The following TRPM7 variants were observed in gnomAD, a reference collection of about 807,000 sequenced individuals.
TRPM7 encodes the protein LTRPC ion channel family member 7.
In TRPM7, 134 loss-of-function variants were observed where a neutral mutation model predicts 229.7. That is an observed-to-expected ratio of 0.58 (90% confidence interval 0.51 to 0.67). TRPM7 has a LOEUF of 0.67. Ranked by LOEUF, TRPM7 falls within the 30% of genes least tolerant of loss-of-function variation. The pLI is 0.00. For missense variants in TRPM7, 1,901 were observed against 2,210.0 expected, an observed-to-expected ratio of 0.86 and a Z score of 2.80; for synonymous variants, 699 against 715.2, an observed-to-expected ratio of 0.98 and a Z score of 0.36.
At chr15:50,578,369 T>C (rs540200140) in intron 31 of TRPM7, among the ~76,000 whole-genome samples, 1 of 152,128 alleles carries the variant, frequency 6.6e-6, no homozygotes, top group South Asian at 2.1e-4. Flanking sequence ...TTAAAACAGA[T>C]GGAATATTAG....
chr15:50,669,858 C>T (rs888691971), intron 1 of TRPM7, among the ~76,000 whole-genome samples: 2 of 152,126 alleles, frequency 1.3e-5, no homozygotes, highest in African/African-American at 4.8e-5. Flanking sequence ...AATCAGCGAT[C>T]CCTTATCAGC....
intron 4 of TRPM7, among the ~76,000 whole-genome samples, chr15:50,643,788 A>G (rs2061177890): frequency 6.6e-6 from 1 of 152,228 alleles, no homozygotes; most frequent in South Asian, 2.1e-4. Context: ...AAACATTTAG[A>G]CACAAATGTT....
intron 38 of TRPM7, among the ~76,000 whole-genome samples, chr15:50,568,071 T>G (rs1270118882): frequency 1.0e-5 from 1 of 96,544 alleles, no homozygotes; most frequent in African/African-American, 4.0e-5. Flanking sequence ...AGAGCGAGAC[T>G]CCGTCTCAAA....
chr15:50,592,918 T>C lies in TRPM7; in HGVS notation c.3609-292A>G, dbSNP rs149250795. Among the ~76,000 whole-genome samples, 48 of 152,312 alleles carry C rather than the reference T, an allele frequency of 3.2e-4. No homozygotes were observed. In the East Asian group the frequency reaches 8.7e-3, roughly 27 times the overall value. The stretch of plus-strand genomic sequence containing the variant: ...AAAATAATGTATATACAGCTACATA[T>C]ATACAGAACTACCATTACTGTTACT... On this transcript the variant is annotated intron_variant, in intron 25 of 38. Coordinates refer to ENST00000646667, the MANE Select transcript of TRPM7 (RefSeq NM_017672.6).
At chr15:50,586,793 C>T (rs897212833) in intron 27 of TRPM7, among the ~76,000 whole-genome samples, 1 of 151,966 alleles carries the variant, frequency 6.6e-6, no homozygotes, top group Admixed American at 6.6e-5. Context: ...TCGAGGCGGG[C>T]GGATCATGAT....
At chr15:50,686,010 A>ATCC (rs1193434697) in intron 1 of TRPM7, among the ~76,000 whole-genome samples, 4 of 152,368 alleles carry the variant, frequency 2.6e-5, no homozygotes, top group Admixed American at 6.5e-5. Flanking sequence ...CCTGTAGAGT[A>ATCC]TCCGCTGCAC....
At chr15:50,670,176 G>A (rs1439666010) in intron 1 of TRPM7, among the ~76,000 whole-genome samples, 1 of 152,092 alleles carries the variant, frequency 6.6e-6, no homozygotes, top group African/African-American at 2.4e-5. Flanking sequence ...GCAAGAAGAG[G>A]TTACAAAAGG....
intron 7 of TRPM7, among the ~76,000 whole-genome samples, chr15:50,635,446 G>A (rs923470459): frequency 6.7e-6 from 1 of 150,330 alleles, no homozygotes; most frequent in Non-Finnish European, 1.5e-5. Flanking sequence ...GGCAGATCAC[G>A]AGGTCAGGAG....
intron 7 of TRPM7, among the ~76,000 whole-genome samples, chr15:50,636,836 A>C (rs2060922083): frequency 6.6e-6 from 1 of 152,184 alleles, no homozygotes; most frequent in Non-Finnish European, 1.5e-5. Context: ...TCACACATTA[A>C]GAATATTTAT....
chr15:50,599,827 C>A (rs1269853268), intron 21 of TRPM7, among the ~76,000 whole-genome samples: 2 of 152,102 alleles, frequency 1.3e-5, no homozygotes, highest in Non-Finnish European at 2.9e-5. Context: ...CCAAACAAAA[C>A]AATCTGAATT....
intron 13 of TRPM7, among the ~76,000 whole-genome samples, chr15:50,615,244 CA>C: frequency 7.0e-6 from 1 of 142,916 alleles, no homozygotes; most frequent in Non-Finnish European, 1.5e-5. Flanking sequence ...GTGATACATA[CA>C]AAAAATTGCA....
intron 1 of TRPM7, among the ~76,000 whole-genome samples, chr15:50,667,480 C>T (rs8033256): frequency 0.35 from 53,158 of 152,100 alleles, 10,496 homozygotes; most frequent in Admixed American, 0.48. Context: ...CCAAGGTGGG[C>T]GGATCACTTG....
At chr15:50,588,217 C>T (rs1288918420) in intron 27 of TRPM7, 1 of 984,784 alleles carries the variant, frequency 1.0e-6, no homozygotes. Flanking sequence ...TCTGTATACT[C>T]CATAATCACA....
intron 13 of TRPM7, among the ~76,000 whole-genome samples, chr15:50,617,434 C>G (rs2060258584): frequency 6.6e-6 from 1 of 151,280 alleles, no homozygotes; most frequent in Non-Finnish European, 1.5e-5. Context: ...ACCCAGGAGG[C>G]AGAGGTTGCA....
At chr15:50,602,282 G>T (rs2059802002) in intron 21 of TRPM7, among the ~76,000 whole-genome samples, 1 of 152,064 alleles carries the variant, frequency 6.6e-6, no homozygotes, top group Non-Finnish European at 1.5e-5. Flanking sequence ...CTATTGCAAG[G>T]ACAGAAAACC....
intron 4 of TRPM7, among the ~76,000 whole-genome samples, chr15:50,645,787 T>C (rs1329227612): frequency 6.6e-6 from 1 of 152,166 alleles, no homozygotes; most frequent in Admixed American, 6.6e-5. Context: ...AATGATGGGC[T>C]AGGTTGATTT....
At chr15:50,624,626 G>C (rs1022518274) in intron 11 of TRPM7, among the ~76,000 whole-genome samples, 13 of 152,266 alleles carry the variant, frequency 8.5e-5, no homozygotes, top group African/African-American at 2.9e-4. Context: ...TCAGTGTTTA[G>C]GGAAGGTTTT....
At chr15:50,672,729 G>A (rs1452223304) in intron 1 of TRPM7, among the ~76,000 whole-genome samples, 4 of 151,626 alleles carry the variant, frequency 2.6e-5, no homozygotes, top group African/African-American at 9.7e-5. Flanking sequence ...GATCAATGTG[G>A]TGAAACCCCA....
At chr15:50,670,839 A>G (rs1369709480) in intron 1 of TRPM7, among the ~76,000 whole-genome samples, 1 of 151,944 alleles carries the variant, frequency 6.6e-6, no homozygotes, top group Non-Finnish European at 1.5e-5. Flanking sequence ...AGAAAATAAT[A>G]AGAGGATACT....
Sources: gnomAD v4.1 joint callset for allele counts (sites outside exome capture counted in the v4.1 genomes callset) on GRCh38, gnomAD v4.1.1 for gene constraint, MANE v1.5 for transcripts, NCBI Gene and HGNC (gene_info 2026-07-23, HGNC 2026-07-21) for gene names.